SPTLC2: variants seen among roughly 807,000 people sequenced by gnomAD.
The protein encoded by SPTLC2 is serine palmitoyltransferase long chain base subunit 2, also known as serine palmitoyltransferase 2.
SPTLC2 carries 21 observed loss-of-function variants against 62.0 expected under a neutral mutation model. That is an observed-to-expected ratio of 0.34 (90% CI 0.24 to 0.49). SPTLC2 has a LOEUF of 0.49. SPTLC2 is among the 20% of genes least tolerant of loss of function. The pLI, the probability that SPTLC2 is intolerant of heterozygous loss-of-function variation, is 0.99. For missense variants in SPTLC2, 511 were observed against 713.0 expected (o/e 0.72, Z 3.23); for synonymous variants, 261 against 261.8 (o/e 1.00, Z 0.03).
rs764465231 is a variant in SPTLC2, at chr14:77,521,588, A to C, written c.1304-7T>G. 1.9e-6 allele frequency: 3 copies of C among 1,613,742 alleles called. No homozygotes were observed. The highest frequency in any genetic ancestry group is 1.6e-4 in the Middle Eastern group (1 of 6,084). On this transcript the variant is annotated splice_polypyrimidine_tract_variant and splice_region_variant and intron_variant, in intron 9 of 11. Coordinates refer to ENST00000216484, the MANE Select transcript of SPTLC2 (RefSeq NM_004863.4). ...TGTTGTACACACTCTTTACCTGGAA[A>C]GTCACGGTGAGAGAAAACAAAATAA... is the stretch of plus-strand genomic sequence containing the variant.
At chr14:77,583,199 C>CAATAAATAAATAAATAAATA (rs58888587) in intron 2 of SPTLC2, among the ~76,000 whole-genome samples, 14 of 132,510 alleles carry the variant, frequency 1.1e-4, no homozygotes, top group East Asian at 9.0e-4. Context: ...AAAGCTGTCT[C>CAATAAATAAATAAATAAATA]AATAAATAAA....
At chr14:77,606,166 C>T (rs920452351) in intron 1 of SPTLC2, among the ~76,000 whole-genome samples, 55 of 152,260 alleles carry the variant, frequency 3.6e-4, no homozygotes, top group Admixed American at 3.3e-3. Flanking sequence ...CCTCTCTCTA[C>T]TGAAAATACA....
chr14:77,566,879 C>G (rs1432024642), intron 5 of SPTLC2, among the ~76,000 whole-genome samples: 1 of 150,704 alleles, frequency 6.6e-6, no homozygotes, highest in African/African-American at 2.4e-5. Flanking sequence ...AATTCAGTAT[C>G]AGATTCAAAG....
intron 5 of SPTLC2, among the ~76,000 whole-genome samples, chr14:77,567,636 C>A (rs2079652861): frequency 6.6e-6 from 1 of 152,224 alleles, no homozygotes. Flanking sequence ...CTTATCTCTT[C>A]TTATCCTGAC....
At chr14:77,595,013 G>A (rs1053885448) in intron 2 of SPTLC2, among the ~76,000 whole-genome samples, 3 of 152,220 alleles carry the variant, frequency 2.0e-5, no homozygotes, top group Non-Finnish European at 2.9e-5. Context: ...CAAAATCAAC[G>A]TACTGTAGAT....
At position 77,546,624 on chromosome 14, in the gene SPTLC2, T is replaced by G. The variant is rs1445286052; in HGVS notation, c.1303+5472A>C. Reference sequence around the variant, plus strand: ...ATCTTACCCCTACCACTGGACTGTTTTTTCAAAGGCAAAGATCACCTATTG... The same window carrying G: ...ATCTTACCCCTACCACTGGACTGTTGTTTCAAAGGCAAAGATCACCTATTG... On this transcript the variant is annotated intron_variant, in intron 9 of 11. Coordinates refer to ENST00000216484, the MANE Select transcript of SPTLC2 (RefSeq NM_004863.4). Among the ~76,000 whole-genome samples, 4 of 152,268 alleles carry G rather than the reference T, an allele frequency of 2.6e-5. No individual in the cohort carries two copies. In the East Asian group the frequency reaches 7.7e-4, roughly 29 times the overall value.
chr14:77,555,537 A>AATAT lies in SPTLC2; in HGVS notation c.957-22_957-19dup. The stretch of plus-strand genomic sequence containing the variant: ...CCTCCATGCTGGCAAAACATGAAAA[A>AATAT]ATATATATATACACATATACACTGA... On this transcript the variant is annotated intron_variant, in intron 7 of 11. Transcript: ENST00000216484. 4 of 1,610,276 alleles carry AATAT rather than the reference A, an allele frequency of 2.5e-6. No individual in the cohort carries two copies. The highest frequency in any genetic ancestry group is 2.5e-6 in the Non-Finnish European group (3 of 1,176,874).
rs929543862 is a variant in SPTLC2, at chr14:77,511,573, G to C, written c.*711C>G. ...ACGTGTTACGGTTAGAGCTTGGGAA[G>C]AACCAGAATTTGCGCACATCCTCAG... is the stretch of plus-strand genomic sequence containing the variant. On this transcript the variant is annotated 3_prime_UTR_variant, in exon 12 of 12. Transcript: ENST00000216484. The C allele has an allele frequency of 6.5e-6, 1 of 153,570 alleles. No individual in the cohort carries two copies. The highest frequency in any genetic ancestry group is 1.4e-5 in the Non-Finnish European group (1 of 69,042). 9.5% of individuals were successfully genotyped at this position (153,570 alleles called of 1,614,324 possible). A position where few individuals can be genotyped will look rare whatever the true frequency, so the allele number is the denominator to read the frequency against.
rs958268418 is a variant in SPTLC2 at position 77,510,178 on chromosome 14, T to G, written c.*2106A>C. The stretch of plus-strand genomic sequence containing the variant: ...TACTTTAACCTATACATGCTAAATA[T>G]AGTCTCTGCATCTCTCCTTGGTTCT... On this transcript the variant is annotated 3_prime_UTR_variant, in exon 12 of 12. Coordinates refer to ENST00000216484, the MANE Select transcript of SPTLC2 (RefSeq NM_004863.4). The G allele has an allele frequency of 5.3e-6, 2 of 376,288 alleles. No homozygotes were observed. Among genetic ancestry groups the G allele is most frequent in the Non-Finnish European group, 9.4e-6 (2 of 212,888 alleles). 23.3% of individuals were successfully genotyped at this position (376,288 alleles called of 1,614,324 possible).
intron 1 of SPTLC2, among the ~76,000 whole-genome samples, chr14:77,604,866 CA>C (rs35580409): frequency 0.49 from 46,419 of 94,224 alleles, 8,446 homozygotes; most frequent in Middle Eastern, 0.57. Context: ...GACTCTTTCT[CA>C]AAAAAAAAAA....
chr14:77,578,932 A>T, intron 3 of SPTLC2, 23 bp downstream of exon 3: 1 of 1,613,706 alleles, frequency 6.2e-7, no homozygotes, highest in Non-Finnish European at 8.5e-7. Flanking sequence ...TTGTTGTCAA[A>T]TAATTTCCCA....
chr14:77,608,568 C>G (rs1441949284), intron 1 of SPTLC2, among the ~76,000 whole-genome samples: 1 of 152,146 alleles, frequency 6.6e-6, no homozygotes, highest in Non-Finnish European at 1.5e-5. Context: ...TAGAAATACA[C>G]TCCTGTGAGA....
intron 10 of SPTLC2, among the ~76,000 whole-genome samples, chr14:77,520,183 C>G (rs1206417063): frequency 6.6e-6 from 1 of 152,122 alleles, no homozygotes; most frequent in Non-Finnish European, 1.5e-5. Flanking sequence ...GATCTGATAA[C>G]TCTTCATGTT....
chr14:77,562,585 A>T, intron 5 of SPTLC2, 96 bp from the exon 6 acceptor site: 2 of 911,922 alleles, frequency 2.2e-6, no homozygotes, highest in Non-Finnish European at 3.5e-6. Flanking sequence ...GCTGTATCTT[A>T]TTAAGGAAAT....
intron 5 of SPTLC2, among the ~76,000 whole-genome samples, chr14:77,563,769 G>A (rs997659734): frequency 3.3e-5 from 5 of 152,192 alleles, no homozygotes; most frequent in Middle Eastern, 6.8e-3. Context: ...AAAAATCCAC[G>A]TGTAAGTGGA....
intron 8 of SPTLC2, 57 bp from the exon 9 acceptor site, chr14:77,552,279 T>C (rs1240234660): frequency 4.4e-6 from 7 of 1,600,624 alleles, no homozygotes; most frequent in Non-Finnish European, 6.0e-6. Context: ...ACCGGCAATG[T>C]CAGTCCTTTC....
rs140171097 is a variant in SPTLC2, at chr14:77,569,729, C to T, written c.756+655G>A. 3.7e-3 allele frequency among the ~76,000 whole-genome samples: 537 copies of T among 143,980 alleles called. 6 individuals are homozygous for T. Among genetic ancestry groups the T allele is most frequent in the African/African-American group, 0.013 (523 of 39,530 alleles). The allele number at this position is 143,980 out of a possible 152,430, so 94.5% of individuals were successfully genotyped here. On this transcript the variant is annotated intron_variant, in intron 5 of 11. Transcript: ENST00000216484. ...ATTTACATTTACATACAGATTGTGC[C>T]CTCTCACACACACTACCCACTTGGG...
intron 9 of SPTLC2, among the ~76,000 whole-genome samples, chr14:77,550,594 GGAAAA>G (rs139751760): frequency 4.6e-5 from 7 of 151,212 alleles, no homozygotes; most frequent in African/African-American, 7.3e-5. Context: ...GAAAAGGAAA[GGAAAA>G]GAAAAGAAAA....
chr14:77,584,264 G>A (rs776620572), intron 2 of SPTLC2, among the ~76,000 whole-genome samples: 1 of 152,174 alleles, frequency 6.6e-6, no homozygotes, highest in Non-Finnish European at 1.5e-5. Context: ...AAAGCTGGAT[G>A]CTATCACTTT....
Sources: allele counts gnomAD v4.1 joint callset (sites outside exome capture counted in the v4.1 genomes callset), GRCh38; gene constraint gnomAD v4.1.1; transcripts MANE v1.5; gene names NCBI Gene and HGNC (gene_info 2026-07-23, HGNC 2026-07-21).